TPR: variants seen among roughly 807,000 people sequenced by gnomAD.
TPR encodes the protein translocated promoter region, nuclear basket protein.
In TPR, 51 loss-of-function variants were observed where a neutral mutation model predicts 316.1. That is an observed-to-expected ratio of 0.16 (90% CI 0.13 to 0.20). The LOEUF (loss-of-function observed/expected upper bound fraction) is 0.20, where lower values mean the gene tolerates loss of function less well. Among genes scored for constraint, TPR ranks in the 10% least tolerant of loss-of-function variants. TPR has a pLI of 1.00. For missense variants in TPR, 2,272 were observed against 2,754.8 expected, an observed-to-expected ratio of 0.82 and a Z score of 3.92; for synonymous variants, 981 against 914.7, an observed-to-expected ratio of 1.07 and a Z score of -1.31.
intron 4 of TPR, among the ~76,000 whole-genome samples, chr1:186,366,425 T>C (rs1318807561): frequency 6.6e-6 from 1 of 152,222 alleles, no homozygotes; most frequent in Non-Finnish European, 1.5e-5. Context: ...ACAAAACGTA[T>C]GACAATCTAC....
Position 186,350,391 on chromosome 1 carries a change from A to G in TPR, c.2611-3T>C. ...CTCTTTGTATCTAAAAGTTGAACCT[A>G]TAAAATACATTAATCTTATAACATT... On this transcript the variant is annotated splice_region_variant and splice_polypyrimidine_tract_variant and intron_variant, in intron 20 of 50. Coordinates refer to ENST00000367478, the MANE Select transcript of TPR (RefSeq NM_003292.3). 5.7e-6 allele frequency: 9 copies of G among 1,574,416 alleles called. No homozygotes were observed. The highest frequency in any genetic ancestry group is 7.8e-6 in the Non-Finnish European group (9 of 1,157,268).
At chr1:186,334,227 A>G in intron 36 of TPR, 98 bp downstream of exon 36, 1 of 1,227,210 alleles carries the variant, frequency 8.1e-7, no homozygotes. Context: ...ACGTGACTTC[A>G]GCTGTAGTGG....
In TPR at chr1:186,334,573, T is replaced by A. The variant is rs775102941; in HGVS notation, c.4974-40A>T. The stretch of plus-strand genomic sequence containing the variant: ...AATGGAAGAATAATTAATAACAAAT[T>A]ATTATGCAAATACTTTTAAAAACAC... On this transcript the variant is annotated intron_variant, in intron 35 of 50. Coordinates refer to ENST00000367478, the MANE Select transcript of TPR (RefSeq NM_003292.3). The A allele has an allele frequency of 1.2e-5, 19 of 1,580,358 alleles. No individual in the cohort carries two copies. The Admixed American group carries it at 3.3e-4, about 27-fold the overall frequency.
chr1:186,327,550 G>C lies in TPR; in HGVS notation c.5799C>G (p.Ser1933=), dbSNP rs370123447. 5.6e-6 allele frequency: 9 copies of C among 1,611,734 alleles called. No individual in the cohort carries two copies. The African/African-American group carries it at 8.1e-5, about 14-fold the overall frequency. ...LQSDQQTTTS[S]QDGQGKGDDV... Reference sequence around the variant, plus strand: ...CATCTCCTTTGCCTTGACCATCCTGGGATGAAGTTGTCGTCTGCTGATCTG... The same window carrying C: ...CATCTCCTTTGCCTTGACCATCCTGCGATGAAGTTGTCGTCTGCTGATCTG... Residue 1933 remains serine, a synonymous_variant, in exon 40 of 51, where the codon TCC becomes TCG. Transcript: ENST00000367478.
chr1:186,326,336 C>T, intron 40 of TPR, 101 bp from the exon 41 acceptor site: 1 of 1,503,066 alleles, frequency 6.7e-7, no homozygotes, highest in South Asian at 1.3e-5. Context: ...ACTCATTAAT[C>T]AGAAGATAGG....
Position 186,320,440 on chromosome 1 carries a change from T to C in TPR, c.6462-22A>G, listed in dbSNP as rs577622154. 16 of 1,582,784 alleles carry C rather than the reference T, an allele frequency of 1.0e-5. No individual in the cohort carries two copies. The South Asian group carries it at 1.7e-4, about 17-fold the overall frequency. ...CGAACTAAATGGACAAAAACTAATT[T>C]AAGATGAAATTTAAAGTTAACCTAT... is the stretch of plus-strand genomic sequence containing the variant. On this transcript the variant is annotated intron_variant, in intron 45 of 50. Transcript: ENST00000367478.
chr1:186,361,657 T>C lies in TPR; in HGVS notation c.923A>G (p.Glu308Gly). The C allele has an allele frequency of 6.2e-7, 1 of 1,613,434 alleles. No individual in the cohort carries two copies. The highest frequency in any genetic ancestry group is 1.1e-5 in the South Asian group (1 of 91,066). ...TTCTTTCAAAAGTTTGTGTAGTTCC[T>C]CTACTGCCCGGGTTAGTTCATTGCT... ...AKSNELTRAVEELHKLLKEAG... is the reference protein window; with the variant it reads ...AKSNELTRAVGELHKLLKEAG... The change falls in exon 9 of 51, where the codon GAG (glutamate) becomes GGG (glycine). Residue 308 changes from glutamate to glycine, a missense_variant. Transcript: ENST00000367478.
Position 186,374,991 on chromosome 1 carries a change from T to C in TPR, c.38A>G (p.Glu13Gly). The C allele has an allele frequency of 6.2e-7, 1 of 1,614,136 alleles. No individual in the cohort carries two copies. Among genetic ancestry groups the C allele is most frequent in the Non-Finnish European group, 8.5e-7 (1 of 1,180,034 alleles). The change falls in exon 1 of 51, where the codon GAG (glutamate) becomes GGG (glycine). Residue 13 changes from glutamate (E) to glycine (G), a missense_variant. Coordinates refer to ENST00000367478, the MANE Select transcript of TPR (RefSeq NM_003292.3). ...GACAGACTTGGGCAGCTTGTTCAGC[T>C]CCGTGCGCTCCAGGACTTGCTGCAA... The part of the protein sequence containing the change: ...AVLQQVLERT[E>G]LNKLPKSVQN...
rs1407199051 is a variant in TPR at position 186,325,772 on chromosome 1, T to A, written c.6104A>T (p.Gln2035Leu). Residue 2035 changes from glutamine (Q) to leucine (L), a missense_variant, in exon 42 of 51, where the codon CAA (glutamine) becomes CTA (leucine). This residue lies in a region of TPR where 435 missense variants were observed against 461.1 expected (regional missense o/e 0.94). Coordinates refer to ENST00000367478, the MANE Select transcript of TPR (RefSeq NM_003292.3). The part of the protein sequence containing the change: ...GEGNHRAADS[Q>L]NSGEGNTGAA... ...GCTAATAAAAATCTCACCACTGTTT[T>A]GAGAATCAGCAGCTCTGTGATTACC... is the stretch of plus-strand genomic sequence containing the variant. 2.5e-6 allele frequency: 4 copies of A among 1,610,682 alleles called. No individual in the cohort carries two copies. The highest frequency in any genetic ancestry group is 3.4e-6 in the Non-Finnish European group (4 of 1,177,434).
rs2101975552 is a variant in TPR, at chr1:186,351,826, T to G, written c.2469+150A>C. The G allele has an allele frequency of 3.6e-6, 3 of 840,190 alleles. No individual in the cohort carries two copies. The South Asian group carries it at 6.6e-5, about 18-fold the overall frequency. The allele number at this position is 840,190 out of a possible 1,614,324, so 52.0% of individuals were successfully genotyped here. ...TCTTTCAATATTTTATTTAAAATAT[T>G]TAAATGTCTTAATAAACTGCAAAAT... On this transcript the variant is annotated intron_variant, in intron 19 of 50. Coordinates refer to ENST00000367478, the MANE Select transcript of TPR (RefSeq NM_003292.3).
intron 2 of TPR, among the ~76,000 whole-genome samples, chr1:186,372,030 A>G (rs1054660445): frequency 6.6e-6 from 1 of 152,198 alleles, no homozygotes; most frequent in African/African-American, 2.4e-5. Context: ...GCAAAACTAC[A>G]TAGATAATGA....
At chr1:186,314,419 T>C (rs1424524682) in intron 50 of TPR, 2 of 374,118 alleles carry the variant, frequency 5.3e-6, no homozygotes, top group Non-Finnish European at 9.5e-6. Flanking sequence ...AAATATAAAA[T>C]ATAAGCACAT....
In TPR at chr1:186,327,506, C is replaced by G. The variant is rs772355351; in HGVS notation, c.5843G>C (p.Ser1948Thr). The change falls in exon 40 of 51, where the codon AGT becomes ACT. Residue 1948 changes from serine to threonine, a missense_variant. By Grantham distance (58) the Ser-to-Thr change is moderately conservative. Transcript: ENST00000367478. ...GKGDDVIVID[S>T]DDEEEDDDEN... is the part of the protein sequence containing the mutation. ...ATCATCATCCTCTTCTTCATCATCA[C>G]TGTCAATTACAATGACATCATCTCC... The G allele has an allele frequency of 6.2e-7, 1 of 1,610,744 alleles. No homozygotes were observed. Among genetic ancestry groups the G allele is most frequent in the Non-Finnish European group, 8.5e-7 (1 of 1,179,320 alleles).
At chr1:186,351,719 A>G (rs1291221519) in intron 19 of TPR, among the ~76,000 whole-genome samples, 1 of 152,166 alleles carries the variant, frequency 6.6e-6, no homozygotes, top group East Asian at 1.9e-4. Flanking sequence ...AAAACCAAAG[A>G]ATTAATCTTA....
chr1:186,374,615 C>T (rs1466313029), intron 1 of TPR, among the ~76,000 whole-genome samples: 1 of 152,208 alleles, frequency 6.6e-6, no homozygotes, highest in Non-Finnish European at 1.5e-5. Flanking sequence ...TGTTTCCCGT[C>T]TGCCGGACGA....
In TPR at chr1:186,335,058, T is replaced by G. The variant is rs755143629; in HGVS notation, c.4973+10A>C. 1 of 1,611,612 alleles carries G rather than the reference T, an allele frequency of 6.2e-7. No homozygotes were observed. Among genetic ancestry groups the G allele is most frequent in the Non-Finnish European group, 8.5e-7 (1 of 1,178,998 alleles). On this transcript the variant is annotated intron_variant, in intron 35 of 50. Coordinates refer to ENST00000367478, the MANE Select transcript of TPR (RefSeq NM_003292.3). ...GAAAAATAACAGACTATGAAATAAC[T>G]AAAACTCACATTCCTCTTTCACCAG...
chr1:186,332,280 A>G lies in TPR; in HGVS notation c.5519T>C (p.Ile1840Thr), dbSNP rs1658188554. 6.2e-7 allele frequency: 1 copy of G among 1,612,840 alleles called. No homozygotes were observed. The highest frequency in any genetic ancestry group is 8.5e-7 in the Non-Finnish European group (1 of 1,179,372). ...RTREEEEDST[I>T]EASDQVSDDT... ...ATCAGAGACTTGGTCTGATGCTTCT[A>G]TGGTGCTATCCTCTTCCTCTTCACG... Residue 1840 changes from isoleucine to threonine, a missense_variant, in exon 38 of 51, where the codon ATA becomes ACA. Around this residue, in one of 10 missense-constraint regions of TPR, gnomAD observed 435 missense variants for 461.1 expected, o/e 0.94. Coordinates refer to ENST00000367478, the MANE Select transcript of TPR (RefSeq NM_003292.3).
Position 186,338,044 on chromosome 1 carries a change from G to T in TPR, c.4351C>A (p.Gln1451Lys). Reference protein sequence around the residue: ...YKTQYEELKAQQDKVMETSAQ... With the variant: ...YKTQYEELKAKQDKVMETSAQ... ...TTTCTTCAAAATACCTTATCCTGTT[G>T]TGCTTTAAGTTCTTCATATTGAGTC... The change falls in exon 31 of 51, where the codon CAA (glutamine) becomes AAA (lysine). Residue 1451 changes from glutamine to lysine, a missense_variant. By Grantham distance (53) the Gln-to-Lys change is moderately conservative. Around this residue, in one of 10 missense-constraint regions of TPR, gnomAD observed 101 missense variants for 113.0 expected, o/e 0.89. Transcript: ENST00000367478. The T allele has an allele frequency of 6.3e-7, 1 of 1,599,298 alleles. No individual in the cohort carries two copies.
chr1:186,350,099 T>C, intron 21 of TPR, 124 bp downstream of exon 21: 1 of 1,007,312 alleles, frequency 9.9e-7, no homozygotes, highest in Non-Finnish European at 1.4e-6. Context: ...GTTGGGTTTT[T>C]TTTTGTGTTT....
Sources: gnomAD v4.1 joint callset for allele counts (sites outside exome capture counted in the v4.1 genomes callset) on GRCh38, gnomAD v4.1.1 for gene constraint, gnomAD v4.1.1 regional missense constraint, MANE v1.5 for transcripts, NCBI Gene and HGNC (gene_info 2026-07-23, HGNC 2026-07-21) for gene names.